ADAMTS6: variants seen among roughly 807,000 people sequenced by gnomAD.
The protein encoded by ADAMTS6 is A disintegrin and metalloproteinase with thrombospondin motifs 6.
Under a neutral mutation model 144.3 loss-of-function variants are expected in ADAMTS6, and 23 were observed. That is an observed-to-expected ratio of 0.16 (90% CI 0.11 to 0.23). The LOEUF is 0.23. ADAMTS6 is among the 10% of genes least tolerant of loss of function. The pLI, the probability that ADAMTS6 is intolerant of heterozygous loss-of-function variation, is 1.00. For missense variants in ADAMTS6, 999 were observed against 1,379.6 expected (o/e 0.72, Z 4.37); for synonymous variants, 444 against 457.5 (o/e 0.97, Z 0.38).
At chr5:65,203,817 G>T (rs1055233679) in intron 20 of ADAMTS6, among the ~76,000 whole-genome samples, 1 of 152,116 alleles carries the variant, frequency 6.6e-6, no homozygotes, top group Admixed American at 6.5e-5. Context: ...AACATGTAAA[G>T]ATGAATAATG....
In ADAMTS6 at chr5:65,255,842, T is replaced by C. The variant is rs187012639; in HGVS notation, c.1830+4758A>G. On this transcript the variant is annotated intron_variant, in intron 14 of 24. Transcript: ENST00000381055. The stretch of plus-strand genomic sequence containing the variant: ...ATGGAAGTCTCTCTACATTTATTTA[T>C]GTATTTATTCATTTTTTAATTTAAT... Among the ~76,000 whole-genome samples the C allele has an allele frequency of 2.2e-3, 336 of 152,296 alleles. 4 individuals are homozygous for C. Among genetic ancestry groups the C allele is most frequent in the Non-Finnish European group, 6.0e-4 (41 of 68,020 alleles).
chr5:65,401,926 TACC>T (rs1753951526), intron 7 of ADAMTS6, among the ~76,000 whole-genome samples: 1 of 152,124 alleles, frequency 6.6e-6, no homozygotes, highest in South Asian at 2.1e-4. Flanking sequence ...CTGTCTCCAC[TACC>T]ACATGTCGTA....
chr5:65,292,602 C>T (rs1742430660), intron 10 of ADAMTS6, among the ~76,000 whole-genome samples: 1 of 152,068 alleles, frequency 6.6e-6, no homozygotes, highest in African/African-American at 2.4e-5. Flanking sequence ...AAGGTATGTT[C>T]ACACACAGCA....
At chr5:65,474,391 A>T (rs1005843290) in intron 1 of ADAMTS6, among the ~76,000 whole-genome samples, 28 of 150,222 alleles carry the variant, frequency 1.9e-4, no homozygotes, top group African/African-American at 6.4e-4. Flanking sequence ...GGCACCTATC[A>T]TTTTTTTTTC....
At chr5:65,403,245 C>T (rs1754095023) in intron 7 of ADAMTS6, among the ~76,000 whole-genome samples, 1 of 152,082 alleles carries the variant, frequency 6.6e-6, no homozygotes, top group South Asian at 2.1e-4. Context: ...CCTCTTCTCT[C>T]TAATCTTTAA....
chr5:65,175,757 A>T (rs1321611179), intron 22 of ADAMTS6, among the ~76,000 whole-genome samples: 2 of 152,166 alleles, frequency 1.3e-5, no homozygotes, highest in African/African-American at 2.4e-5. Context: ...CCCTTAACCC[A>T]GCAGGTTTCC....
intron 7 of ADAMTS6, among the ~76,000 whole-genome samples, chr5:65,381,590 T>C (rs372793760): frequency 6.7e-6 from 1 of 148,166 alleles, no homozygotes; most frequent in East Asian, 2.0e-4. Flanking sequence ...TTCACCATCT[T>C]GGACAGGCTG....
At chr5:65,242,271 C>T in intron 14 of ADAMTS6, 65 bp from the exon 15 acceptor site, 4 of 1,219,976 alleles carry the variant, frequency 3.3e-6, no homozygotes, top group South Asian at 1.5e-5. Flanking sequence ...GGGACAATGT[C>T]CCTAAAATGA....
chr5:65,442,628 A>G (rs905482789), intron 7 of ADAMTS6, among the ~76,000 whole-genome samples: 1 of 152,176 alleles, frequency 6.6e-6, no homozygotes, highest in East Asian at 1.9e-4. Context: ...TCATAAATAT[A>G]AATCTAAAAA....
At chr5:65,364,034 A>G (rs1750071669) in intron 7 of ADAMTS6, among the ~76,000 whole-genome samples, 1 of 152,030 alleles carries the variant, frequency 6.6e-6, no homozygotes, top group East Asian at 1.9e-4. Flanking sequence ...GAAAAACTGA[A>G]GCACAAAAAT....
intron 7 of ADAMTS6, among the ~76,000 whole-genome samples, chr5:65,345,379 G>A (rs536203347): frequency 6.6e-6 from 1 of 151,774 alleles, no homozygotes; most frequent in South Asian, 2.1e-4. Flanking sequence ...ATGTTTGTAA[G>A]GGAATCAAAA....
At chr5:65,236,619 A>G (rs1319582648) in intron 15 of ADAMTS6, among the ~76,000 whole-genome samples, 2 of 152,108 alleles carry the variant, frequency 1.3e-5, no homozygotes, top group Non-Finnish European at 2.9e-5. Flanking sequence ...TAAATTATAT[A>G]TGAACAACAA....
chr5:65,283,140 G>T (rs898648166), intron 11 of ADAMTS6, among the ~76,000 whole-genome samples: 8 of 152,022 alleles, frequency 5.3e-5, no homozygotes, highest in Admixed American at 1.3e-4. Context: ...AGCCCTAAAG[G>T]TCAGGAAGGG....
At chr5:65,307,951 T>C (rs1744096759) in intron 9 of ADAMTS6, among the ~76,000 whole-genome samples, 1 of 152,210 alleles carries the variant, frequency 6.6e-6, no homozygotes. Context: ...CTCCAACCTC[T>C]GGGACATACA....
intron 7 of ADAMTS6, among the ~76,000 whole-genome samples, chr5:65,366,508 G>A (rs925035271): frequency 6.6e-6 from 1 of 152,102 alleles, no homozygotes; most frequent in Admixed American, 6.6e-5. Flanking sequence ...GAGTAAAATG[G>A]TGCTTAAACT....
chr5:65,194,401 C>T (rs1188130043), intron 21 of ADAMTS6, among the ~76,000 whole-genome samples: 1 of 152,202 alleles, frequency 6.6e-6, no homozygotes, highest in Non-Finnish European at 1.5e-5. Flanking sequence ...CAATACTCTA[C>T]AGTGTACTGT....
At chr5:65,215,150 G>T (rs1247419804) in intron 19 of ADAMTS6, among the ~76,000 whole-genome samples, 174 bp downstream of exon 19, 1 of 152,114 alleles carries the variant, frequency 6.6e-6, no homozygotes, top group African/African-American at 2.4e-5. Context: ...TACTATTCAA[G>T]CAAGAGCACT....
intron 7 of ADAMTS6, 88 bp from the exon 8 acceptor site, chr5:65,334,173 T>C: frequency 1.5e-6 from 2 of 1,375,248 alleles, no homozygotes; most frequent in East Asian, 2.6e-5. Flanking sequence ...CCTGAAGTTG[T>C]CAGACCACAA....
chr5:65,377,581 T>G (rs568608148), intron 7 of ADAMTS6, among the ~76,000 whole-genome samples: 1 of 152,314 alleles, frequency 6.6e-6, no homozygotes, highest in African/African-American at 2.4e-5. Flanking sequence ...TATTACAAAA[T>G]GTTAACACAT....
Sources: allele counts gnomAD v4.1 joint callset (sites outside exome capture counted in the v4.1 genomes callset), GRCh38; gene constraint gnomAD v4.1.1; transcripts MANE v1.5; gene names NCBI Gene and HGNC (gene_info 2026-07-23, HGNC 2026-07-21).